The following VWF variants were observed in gnomAD, a reference collection of about 807,000 sequenced individuals.
VWF encodes the protein Factor VIII related antigen.
VWF carries 176 observed loss-of-function variants against 308.6 expected under a neutral mutation model. That is an observed-to-expected ratio of 0.57 (90% CI 0.50 to 0.65). The LOEUF (loss-of-function observed/expected upper bound fraction) is 0.65. Among genes scored for constraint, VWF ranks in the 30% least tolerant of loss-of-function variants. The probability of loss-of-function intolerance (pLI) is 0.00; values close to 1 mark genes in which losing one functional copy is unlikely to be tolerated. For missense variants in VWF, 3,146 were observed against 3,648.2 expected, an observed-to-expected ratio of 0.86 and a Z score of 3.55; for synonymous variants, 1,385 against 1,443.4, an observed-to-expected ratio of 0.96 and a Z score of 0.92.
At position 6,095,567 on chromosome 12, in the gene VWF, G is replaced by C. The variant is rs1261879138; in HGVS notation, c.550C>G (p.Pro184Ala). 21 of 1,614,152 alleles carry C rather than the reference G, an allele frequency of 1.3e-5. No homozygotes were observed. Among genetic ancestry groups the C allele is most frequent in the Non-Finnish European group, 1.8e-5 (21 of 1,180,012 alleles). ...GCCCATGAGTTGGCAAAGTCATAAG[G>C]GTCCGAGGTCAAGGTCCCTGTGGAG... ...MTQEGTLTSD[P>A]YDFANSWALS... is the part of the protein sequence containing the mutation. Residue 184 changes from proline to alanine, a missense_variant, in exon 6 of 52, where the codon CCT (proline) becomes GCT (alanine). Around this residue, in one of 3 missense-constraint regions of VWF, gnomAD observed 1,304 missense variants for 1,353.0 expected, o/e 0.96. Transcript: ENST00000261405.
At chr12:5,960,512 A>C (rs1235697642) in intron 47 of VWF, among the ~76,000 whole-genome samples, 1 of 152,210 alleles carries the variant, frequency 6.6e-6, no homozygotes, top group East Asian at 1.9e-4. Context: ...CCCTGACATC[A>C]AAATCTAACA....
chr12:6,107,244 G>A (rs1013573538), intron 5 of VWF, among the ~76,000 whole-genome samples: 2 of 152,226 alleles, frequency 1.3e-5, no homozygotes, highest in African/African-American at 2.4e-5. Context: ...AAGATCAGTG[G>A]CCACCAGGAG....
chr12:6,023,407 T>C (rs1313971315), intron 25 of VWF, among the ~76,000 whole-genome samples: 2 of 152,238 alleles, frequency 1.3e-5, no homozygotes, highest in East Asian at 3.9e-4. Context: ...AGAAGAAAAG[T>C]CTCCACATGT....
chr12:6,047,633 AACTG>A (rs1285425570), intron 16 of VWF, among the ~76,000 whole-genome samples: 1 of 152,240 alleles, frequency 6.6e-6, no homozygotes, highest in African/African-American at 2.4e-5. Flanking sequence ...AAAGTCTCCT[AACTG>A]ACTGCATATT....
intron 8 of VWF, among the ~76,000 whole-genome samples, 170 bp from the exon 9 acceptor site, chr12:6,072,612 A>C (rs371578124): frequency 7.9e-5 from 12 of 152,310 alleles, no homozygotes; most frequent in Admixed American, 3.9e-4. Context: ...GAAATTCCTC[A>C]TCTCCATTAC....
intron 2 of VWF, among the ~76,000 whole-genome samples, chr12:6,122,513 A>G (rs961394081): frequency 6.6e-5 from 10 of 152,326 alleles, no homozygotes; most frequent in Admixed American, 6.5e-4. Flanking sequence ...TAGTAGGAAG[A>G]TGCAGAGAGT....
chr12:6,043,699 G>A (rs1018332376), intron 18 of VWF, among the ~76,000 whole-genome samples: 1 of 152,366 alleles, frequency 6.6e-6, no homozygotes, highest in Non-Finnish European at 1.5e-5. Flanking sequence ...GGCCTTGGAT[G>A]CACGGCCTCC....
chr12:6,057,858 G>A lies in VWF; in HGVS notation c.1720C>T (p.Pro574Ser), dbSNP rs2136455727. 1.2e-6 allele frequency: 2 copies of A among 1,608,270 alleles called. No homozygotes were observed. The highest frequency in any genetic ancestry group is 2.2e-5 in the East Asian group (1 of 44,770). Reference sequence around the variant, plus strand: ...CCCCGGGTTCACATACTCATGCGCGGGTTGAGGGCGCAGGGATCGCTGTGC... The same window carrying A: ...CCCCGGGTTCACATACTCATGCGCGAGTTGAGGGCGCAGGGATCGCTGTGC... ...KQHSDPCALN[P>S]RMTRFSEEAC... is the part of the protein sequence containing the mutation. Residue 574 changes from proline (P) to serine (S), a missense_variant, in exon 14 of 52, where the codon CCG becomes TCG. Around this residue, in one of 3 missense-constraint regions of VWF, gnomAD observed 1,304 missense variants for 1,353.0 expected, o/e 0.96. Transcript: ENST00000261405.
Position 5,994,696 on chromosome 12 carries a change from A to C in VWF, c.6064-89T>G. 2.5e-6 allele frequency: 3 copies of C among 1,180,644 alleles called. No individual in the cohort carries two copies. In the South Asian group the frequency reaches 3.7e-5, roughly 15 times the overall value. The allele number at this position is 1,180,644 out of a possible 1,614,324, so 73.1% of individuals were successfully genotyped here. On this transcript the variant is annotated intron_variant, in intron 35 of 51. Transcript: ENST00000261405. ...AGTTACCGAGAGTTCCTGCACATTC[A>C]TCACACTCAACTGCAACATCAGCCA...
chr12:6,103,579 CACACAG>C (rs1482548950), intron 5 of VWF, among the ~76,000 whole-genome samples: 1 of 142,198 alleles, frequency 7.0e-6, no homozygotes, highest in Non-Finnish European at 1.5e-5. Flanking sequence ...CACACACACA[CACACAG>C]ATCAATGGAA....
At chr12:6,039,786 G>A (rs541230816) in intron 18 of VWF, among the ~76,000 whole-genome samples, 1 of 152,074 alleles carries the variant, frequency 6.6e-6, no homozygotes, top group South Asian at 2.1e-4. Flanking sequence ...TTTAAGAAGT[G>A]GTGCCCAACT....
chr12:6,093,230 A>G (rs576611058), intron 6 of VWF, among the ~76,000 whole-genome samples: 1 of 152,250 alleles, frequency 6.6e-6, no homozygotes, highest in East Asian at 1.9e-4. Flanking sequence ...GGCACAGCGT[A>G]GGTGCCCATT....
intron 32 of VWF, among the ~76,000 whole-genome samples, chr12:6,012,742 C>T (rs538026924): frequency 2.7e-5 from 4 of 150,556 alleles, no homozygotes; most frequent in Non-Finnish European, 5.9e-5. Flanking sequence ...CACTCTGTTG[C>T]CCAGGCTGGA....
At chr12:6,056,569 C>T (rs1944580707) in intron 15 of VWF, among the ~76,000 whole-genome samples, 1 of 152,142 alleles carries the variant, frequency 6.6e-6, no homozygotes, top group Admixed American at 6.5e-5. Flanking sequence ...GCAGCGGCCA[C>T]GGGAAACCCA....
In VWF at chr12:6,058,075, G is replaced by A. The variant is rs1417071619; in HGVS notation, c.1534-31C>T. The A allele has an allele frequency of 6.2e-7, 1 of 1,612,010 alleles. No homozygotes were observed. The highest frequency in any genetic ancestry group is 8.5e-7 in the Non-Finnish European group (1 of 1,179,618). ...GGAGAGACCAGGCCACTCTGGAGCC[G>A]CTGCCGCGAAAGCAGCGGCATAGTT... On this transcript the variant is annotated intron_variant, in intron 13 of 51. Transcript: ENST00000261405. This position sits in a 1 kb window ranked among gnomAD's most constrained non-coding sequence, Gnocchi z 4.9.
intron 14 of VWF, 113 bp from the exon 15 acceptor site, chr12:6,057,185 G>T (rs1944589612): frequency 3.1e-6 from 3 of 981,682 alleles, no homozygotes; most frequent in Admixed American, 2.7e-5. Flanking sequence ...GGGCTGCAAG[G>T]TCACGCAGAG....
intron 6 of VWF, among the ~76,000 whole-genome samples, chr12:6,092,622 T>TGAGAGTGAGAGTGAGAGAGAGAGAGAGA (rs1403649370): frequency 1.1e-4 from 10 of 91,518 alleles, no homozygotes; most frequent in Admixed American, 3.2e-4. Flanking sequence ...AGTGAGAGTG[T>TGAGAGTGAGAGTGAGAGAGAGAGAGAGA]GTGTGTGTGT....
intron 9 of VWF, 90 bp from the exon 10 acceptor site, chr12:6,071,433 C>T: frequency 7.0e-7 from 1 of 1,438,388 alleles, no homozygotes; most frequent in Admixed American, 1.7e-5. Flanking sequence ...TTATCACAGT[C>T]CCCAAACGAA....
intron 34 of VWF, among the ~76,000 whole-genome samples, chr12:6,004,450 T>A (rs1339760923): frequency 6.6e-6 from 1 of 152,152 alleles, no homozygotes; most frequent in African/African-American, 2.4e-5. Context: ...ACATGATATG[T>A]GTGTGCACGT....
Sources: allele counts gnomAD v4.1 joint callset (sites outside exome capture counted in the v4.1 genomes callset), GRCh38; gene constraint gnomAD v4.1.1; regional missense constraint gnomAD v4.1.1; non-coding constraint Gnocchi (gnomAD v3.1); transcripts MANE v1.5; gene names NCBI Gene and HGNC (gene_info 2026-07-23, HGNC 2026-07-21).